The following PARD3B variants were observed in gnomAD, a reference collection of about 807,000 sequenced individuals.
The protein encoded by PARD3B is par-3 family cell polarity regulator beta.
In PARD3B, 103 loss-of-function variants were observed where a neutral mutation model predicts 130.2. The observed-to-expected ratio is 0.79, with a 90% CI of 0.67 to 0.93. PARD3B has a LOEUF of 0.93. PARD3B is among the 40% of genes least tolerant of loss of function. The probability of loss-of-function intolerance (pLI) is 0.00; values close to 1 mark genes in which losing one functional copy is unlikely to be tolerated. For synonymous variants in PARD3B, 583 were observed against 553.2 expected (o/e 1.05, Z -0.76); for missense variants, 1,609 against 1,499.2 (o/e 1.07, Z -1.21).
At chr2:204,989,871 A>C (rs1693498194) in intron 3 of PARD3B, among the ~76,000 whole-genome samples, 1 of 152,142 alleles carries the variant, frequency 6.6e-6, no homozygotes, top group Non-Finnish European at 1.5e-5. Context: ...TCTTACATGC[A>C]GCATAACTAT....
chr2:204,709,299 G>C (rs73984277), intron 2 of PARD3B, among the ~76,000 whole-genome samples: 1,989 of 152,202 alleles, frequency 0.013, 45 homozygotes, highest in African/African-American at 0.046. Context: ...GATGCAGAAC[G>C]TACTGCAGTA....
chr2:205,024,879 G>A (rs6741267), intron 3 of PARD3B, among the ~76,000 whole-genome samples: 72,270 of 152,034 alleles, frequency 0.48, 18,004 homozygotes, highest in Admixed American at 0.57. Context: ...AATGATTTGT[G>A]TTCTATAATA....
chr2:204,974,140 T>A (rs915746971), intron 3 of PARD3B, among the ~76,000 whole-genome samples: 6 of 152,204 alleles, frequency 3.9e-5, no homozygotes, highest in African/African-American at 1.4e-4. Flanking sequence ...TCTGTATAAA[T>A]ATGAGACTGT....
At chr2:204,687,040 A>G (rs999960750) in intron 2 of PARD3B, among the ~76,000 whole-genome samples, 1 of 152,092 alleles carries the variant, frequency 6.6e-6, no homozygotes, top group Non-Finnish European at 1.5e-5. Flanking sequence ...CTTCTATTAT[A>G]CATCTTTAGT....
At position 205,158,821 on chromosome 2, in the gene PARD3B, A is replaced by G; in HGVS notation, c.1534A>G (p.Ser512Gly). The change falls in exon 11 of 23, where the codon AGC becomes GGC. Residue 512 changes from serine (S) to glycine (G), a missense_variant. Physicochemically the swap from Ser to Gly is moderately conservative, Grantham distance 56. Transcript: ENST00000406610. The surrounding 1 kb of genome is among the most constrained non-coding windows in gnomAD (Gnocchi z 5.4). ...NDSGSAGLGV[S>G]LKGNKSRETG... Reference sequence around the variant, plus strand: ...TTCAGGTTCTGCTGGCCTCGGGGTGAGCTTAAAAGGGAACAAATCCAGAGA... The same window carrying G: ...TTCAGGTTCTGCTGGCCTCGGGGTGGGCTTAAAAGGGAACAAATCCAGAGA... The G allele has an allele frequency of 6.2e-7, 1 of 1,614,184 alleles. No homozygotes were observed. Among genetic ancestry groups the G allele is most frequent in the Non-Finnish European group, 8.5e-7 (1 of 1,180,028 alleles).
chr2:204,850,040 A>G (rs2044646242), intron 2 of PARD3B, among the ~76,000 whole-genome samples: 1 of 152,184 alleles, frequency 6.6e-6, no homozygotes, highest in South Asian at 2.1e-4. Context: ...CATGTCTACA[A>G]GTCTTTTGGA....
intron 2 of PARD3B, among the ~76,000 whole-genome samples, chr2:204,759,102 C>T (rs1457194779): frequency 6.6e-6 from 1 of 152,080 alleles, no homozygotes; most frequent in Non-Finnish European, 1.5e-5. Context: ...TCCTGATTGT[C>T]CTTCTTCTTG....
rs2036620799 is a variant in PARD3B at position 204,677,695 on chromosome 2, A to C, written c.121-8486A>C. Among the ~76,000 whole-genome samples, 1 of 152,172 alleles carries C rather than the reference A, an allele frequency of 6.6e-6. No individual in the cohort carries two copies. The highest frequency in any genetic ancestry group is 1.5e-5 in the Non-Finnish European group (1 of 68,034). Reference sequence around the variant, plus strand: ...TATCATAGCCTAAGATGGTAATAATAATATTTTTAGCAGACTCATCACTGT... The same window carrying C: ...TATCATAGCCTAAGATGGTAATAATCATATTTTTAGCAGACTCATCACTGT... On this transcript the variant is annotated intron_variant, in intron 1 of 22. Coordinates refer to ENST00000406610, the MANE Select transcript of PARD3B (RefSeq NM_001302769.2). This position sits in a 1 kb window ranked among gnomAD's most constrained non-coding sequence, Gnocchi z 4.1.
At chr2:205,554,797 C>T (rs1395769635) in intron 22 of PARD3B, among the ~76,000 whole-genome samples, 2 of 152,144 alleles carry the variant, frequency 1.3e-5, no homozygotes, top group Admixed American at 1.3e-4. Context: ...TTACATTGTA[C>T]TCAGTATTAT....
intron 15 of PARD3B, among the ~76,000 whole-genome samples, chr2:205,211,512 G>A (rs866846377): frequency 4.0e-5 from 6 of 148,352 alleles, no homozygotes; most frequent in African/African-American, 7.6e-5. Flanking sequence ...AAGTTTGAGC[G>A]ATGAGGTAAA....
chr2:204,713,841 T>C (rs2038586995), intron 2 of PARD3B, among the ~76,000 whole-genome samples: 3 of 152,146 alleles, frequency 2.0e-5, no homozygotes, highest in African/African-American at 7.2e-5. Flanking sequence ...TGTGTTTTTT[T>C]TCTGCCCAGC....
intron 1 of PARD3B, among the ~76,000 whole-genome samples, chr2:204,618,734 C>G (rs557650748): frequency 6.6e-6 from 1 of 152,192 alleles, no homozygotes; most frequent in African/African-American, 2.4e-5. Context: ...TGAGAAAGGA[C>G]TTATGAAATA....
intron 1 of PARD3B, among the ~76,000 whole-genome samples, chr2:204,660,022 A>G (rs1322889278): frequency 6.6e-6 from 1 of 152,168 alleles, no homozygotes; most frequent in Admixed American, 6.6e-5. Context: ...AAACACCCCT[A>G]CAGATAATTC....
intron 16 of PARD3B, among the ~76,000 whole-genome samples, chr2:205,289,256 C>G (rs973946526): frequency 4.6e-5 from 7 of 152,036 alleles, no homozygotes; most frequent in African/African-American, 1.7e-4. Context: ...AAATTCAGAG[C>G]TAGTAATGAC....
intron 2 of PARD3B, among the ~76,000 whole-genome samples, chr2:204,844,933 T>C (rs2044402613): frequency 6.6e-6 from 1 of 152,146 alleles, no homozygotes; most frequent in Non-Finnish European, 1.5e-5. Context: ...CCTCAATTGC[T>C]CTTACTCTCC....
At chr2:205,517,917 T>A (rs1269398049) in intron 21 of PARD3B, among the ~76,000 whole-genome samples, 2 of 152,212 alleles carry the variant, frequency 1.3e-5, no homozygotes, top group Non-Finnish European at 2.9e-5. Context: ...AGTCTTGAGT[T>A]GTATTTTTAT....
intron 15 of PARD3B, among the ~76,000 whole-genome samples, chr2:205,205,974 G>A (rs1219651574): frequency 6.6e-6 from 1 of 152,152 alleles, no homozygotes; most frequent in East Asian, 1.9e-4. Context: ...ATGAGTTAGG[G>A]AGGATTCCCT....
At position 205,280,963 on chromosome 2, in the gene PARD3B, C is replaced by G. The variant is rs968888594; in HGVS notation, c.2186-19567C>G. Among the ~76,000 whole-genome samples the G allele has an allele frequency of 2.0e-5, 3 of 152,176 alleles. No individual in the cohort carries two copies. The highest frequency in any genetic ancestry group is 6.5e-5 in the Admixed American group (1 of 15,276). On this transcript the variant is annotated intron_variant, in intron 16 of 22. Coordinates refer to ENST00000406610, the MANE Select transcript of PARD3B (RefSeq NM_001302769.2). This position sits in a 1 kb window ranked among gnomAD's most constrained non-coding sequence, Gnocchi z 4.7. ...CCGTTTAACCTGACCTCTTCCAGAT[C>G]CAGTATTTTAAAAGCCATAAATTTT... is the stretch of plus-strand genomic sequence containing the variant.
intron 3 of PARD3B, among the ~76,000 whole-genome samples, chr2:204,979,127 A>G (rs1692448573): frequency 6.6e-6 from 1 of 151,798 alleles, no homozygotes; most frequent in Non-Finnish European, 1.5e-5. Context: ...AATGGCGTGA[A>G]CCTGGGAGGC....
Sources: gnomAD v4.1 joint callset for allele counts (sites outside exome capture counted in the v4.1 genomes callset) on GRCh38, gnomAD v4.1.1 for gene constraint, Gnocchi (gnomAD v3.1) non-coding constraint, MANE v1.5 for transcripts, NCBI Gene and HGNC (gene_info 2026-07-23, HGNC 2026-07-21) for gene names.